The following RYR2 variants were observed in gnomAD, a reference collection of about 807,000 sequenced individuals.
RYR2 encodes cardiac muscle ryanodine receptor-calcium release channel.
RYR2 carries 227 observed loss-of-function variants against 601.1 expected under a neutral mutation model. That is an observed-to-expected ratio of 0.38 (90% CI 0.34 to 0.42). The LOEUF (loss-of-function observed/expected upper bound fraction) is 0.42. Ranked by LOEUF, RYR2 falls within the 10% of genes least tolerant of loss-of-function variation. The probability of loss-of-function intolerance (pLI) is 1.00; values close to 1 mark genes in which losing one functional copy is unlikely to be tolerated. For synonymous variants in RYR2, 2,223 were observed against 2,175.1 expected, an observed-to-expected ratio of 1.02 and a Z score of -0.61; for missense variants, 4,646 against 6,156.5, an observed-to-expected ratio of 0.75 and a Z score of 8.21.
At chr1:237,680,115 A>T (rs1408867136) in intron 61 of RYR2, among the ~76,000 whole-genome samples, 1 of 152,168 alleles carries the variant, frequency 6.6e-6, no homozygotes, top group Non-Finnish European at 1.5e-5. Context: ...CAATGTTCAC[A>T]CATAGTAGAG....
intron 1 of RYR2, among the ~76,000 whole-genome samples, chr1:237,163,232 G>A (rs1239930517): frequency 6.6e-6 from 1 of 152,096 alleles, no homozygotes; most frequent in African/African-American, 2.4e-5. Flanking sequence ...TTAACCAGCA[G>A]TTCTCCCTTT....
chr1:237,134,639 C>T (rs1020978859), intron 1 of RYR2, among the ~76,000 whole-genome samples: 8 of 152,102 alleles, frequency 5.3e-5, no homozygotes, highest in African/African-American at 1.7e-4. Context: ...CACAGCCAAA[C>T]GATATCAATC....
chr1:237,139,203 G>T lies in RYR2; in HGVS notation c.48+96634G>T, dbSNP rs551849587. Among the ~76,000 whole-genome samples, 3 of 152,260 alleles carry T rather than the reference G, an allele frequency of 2.0e-5. No individual in the cohort carries two copies. In the South Asian group the frequency reaches 6.2e-4, roughly 32 times the overall value. Reference sequence around the variant, plus strand: ...TGGAATGTTATTTGGTCATAAAAGGGAAAGGAATACTACCATATATACTAC... The same window carrying T: ...TGGAATGTTATTTGGTCATAAAAGGTAAAGGAATACTACCATATATACTAC... On this transcript the variant is annotated intron_variant, in intron 1 of 104. Transcript: ENST00000366574.
At chr1:237,280,938 C>T (rs1433616577) in intron 2 of RYR2, among the ~76,000 whole-genome samples, 1 of 152,026 alleles carries the variant, frequency 6.6e-6, no homozygotes, top group Non-Finnish European at 1.5e-5. Context: ...GCACGCACCA[C>T]CACACCTGGC....
chr1:237,092,118 T>C (rs1250548265), intron 1 of RYR2, among the ~76,000 whole-genome samples: 6 of 152,212 alleles, frequency 3.9e-5, no homozygotes, highest in Non-Finnish European at 7.3e-5. Flanking sequence ...ATAATACTGA[T>C]TTCAGAGGGA....
At chr1:237,366,205 G>A (rs1700180155) in intron 5 of RYR2, among the ~76,000 whole-genome samples, 1 of 152,186 alleles carries the variant, frequency 6.6e-6, no homozygotes, top group Admixed American at 6.5e-5. Flanking sequence ...AAACAGTGAT[G>A]CATTAGGACT....
At chr1:237,054,296 TCCTTCC>T (rs1661685879) in intron 1 of RYR2, among the ~76,000 whole-genome samples, 3 of 115,078 alleles carry the variant, frequency 2.6e-5, no homozygotes, top group African/African-American at 1.0e-4. Flanking sequence ...CCTCCCTTCC[TCCTTCC>T]TCCCTCTTCT....
At chr1:237,107,994 C>T (rs879876818) in intron 1 of RYR2, among the ~76,000 whole-genome samples, 14 of 152,194 alleles carry the variant, frequency 9.2e-5, no homozygotes, top group African/African-American at 1.7e-4. Context: ...CCTGAGCTCA[C>T]GGTTTCTCTC....
At position 237,349,116 on chromosome 1, in the gene RYR2, A is replaced by G. The variant is rs142884045; in HGVS notation, c.274-6849A>G. ...ATAGTGAGATTCAAGATTACTGTCA[A>G]TCCTAAGGAATATTAATACTTATAA... On this transcript the variant is annotated intron_variant, in intron 3 of 104. Coordinates refer to ENST00000366574, the MANE Select transcript of RYR2 (RefSeq NM_001035.3). Among the ~76,000 whole-genome samples the G allele has an allele frequency of 1.3e-3, 202 of 152,288 alleles. 1 individual carries two copies. The highest frequency in any genetic ancestry group is 3.4e-3 in the Middle Eastern group (1 of 294).
At chr1:237,609,028 CT>C (rs1677488479) in intron 35 of RYR2, among the ~76,000 whole-genome samples, 1 of 150,484 alleles carries the variant, frequency 6.6e-6, no homozygotes, top group African/African-American at 2.5e-5. Context: ...CCCTCCTTCC[CT>C]CCCTCCCTTC....
In RYR2 at chr1:237,357,226, G is replaced by A. The variant is rs191678802; in HGVS notation, c.294+1241G>A. 1.9e-4 allele frequency among the ~76,000 whole-genome samples: 29 copies of A among 152,020 alleles called. 1 individual carries two copies. Among genetic ancestry groups the A allele is most frequent in the Admixed American group, 2.6e-4 (4 of 15,256 alleles). On this transcript the variant is annotated intron_variant, in intron 4 of 104. Transcript: ENST00000366574. ...TACTTTTGACCAACTATTTGTTTTTGAAATTTCCTACCTTCCTCTTTGGCT... is the reference window on the plus strand; with the variant it reads ...TACTTTTGACCAACTATTTGTTTTTAAAATTTCCTACCTTCCTCTTTGGCT...
At chr1:237,185,716 T>C (rs1483543996) in intron 1 of RYR2, among the ~76,000 whole-genome samples, 1 of 152,148 alleles carries the variant, frequency 6.6e-6, no homozygotes, top group East Asian at 1.9e-4. Context: ...GTAAAGCAAA[T>C]GGCATTGATC....
At chr1:237,424,698 G>T (rs1705959635) in intron 12 of RYR2, among the ~76,000 whole-genome samples, 1 of 152,146 alleles carries the variant, frequency 6.6e-6, no homozygotes, top group South Asian at 2.1e-4. Flanking sequence ...ATTAACAAAT[G>T]ATTATTTCCT....
intron 7 of RYR2, among the ~76,000 whole-genome samples, chr1:237,375,428 T>G (rs563228062): frequency 6.6e-6 from 1 of 152,350 alleles, no homozygotes; most frequent in East Asian, 1.9e-4. Context: ...CATGCATCAC[T>G]TTGTAATTAA....
intron 3 of RYR2, among the ~76,000 whole-genome samples, chr1:237,341,142 A>G (rs1697731759): frequency 6.6e-6 from 1 of 152,220 alleles, no homozygotes; most frequent in African/African-American, 2.4e-5. Context: ...TTAAATGTAT[A>G]GATTATTTTA....
At chr1:237,440,290 C>T (rs748777904) in intron 12 of RYR2, among the ~76,000 whole-genome samples, 1 of 151,954 alleles carries the variant, frequency 6.6e-6, no homozygotes, top group Non-Finnish European at 1.5e-5. Context: ...TCAAAACATT[C>T]GTTTAACTAT....
chr1:237,395,012 C>G (rs1702696253), intron 10 of RYR2, among the ~76,000 whole-genome samples: 1 of 152,154 alleles, frequency 6.6e-6, no homozygotes, highest in Non-Finnish European at 1.5e-5. Flanking sequence ...CGTGAGAACT[C>G]ACTATCACAA....
At chr1:237,743,983 C>G (rs1170402861) in intron 80 of RYR2, among the ~76,000 whole-genome samples, 1 of 152,096 alleles carries the variant, frequency 6.6e-6, no homozygotes, top group Non-Finnish European at 1.5e-5. Flanking sequence ...TTTTCAACAC[C>G]AGTTTTATTA....
chr1:237,791,583 C>A, intron 93 of RYR2, 68 bp downstream of exon 93: 1 of 826,074 alleles, frequency 1.2e-6, no homozygotes, highest in East Asian at 2.7e-5. Context: ...AAAGATTTCA[C>A]GATGAACGTA....
Sources: allele counts gnomAD v4.1 joint callset (sites outside exome capture counted in the v4.1 genomes callset), GRCh38; gene constraint gnomAD v4.1.1; transcripts MANE v1.5; gene names NCBI Gene and HGNC (gene_info 2026-07-23, HGNC 2026-07-21).